Variants in FRAS1 observed in about 807,000 individuals in gnomAD.
FRAS1 encodes the protein extracellular matrix organizing protein FRAS1.
In FRAS1, 290 loss-of-function variants were observed where a neutral mutation model predicts 435.2. The observed-to-expected ratio is 0.67, with a 90% confidence interval of 0.61 to 0.73. The LOEUF (loss-of-function observed/expected upper bound fraction) is 0.73. Among genes scored for constraint, FRAS1 ranks in the 30% least tolerant of loss-of-function variants. The pLI is 0.00. For synonymous variants in FRAS1, 1,800 were observed against 1,851.0 expected (o/e 0.97, Z 0.71); for missense variants, 4,860 against 5,001.5 (o/e 0.97, Z 0.85).
At chr4:78,147,892 G>T (rs1720483075) in intron 2 of FRAS1, among the ~76,000 whole-genome samples, 1 of 152,182 alleles carries the variant, frequency 6.6e-6, no homozygotes, top group Admixed American at 6.5e-5. Context: ...CCTGATTATT[G>T]TGATGCTTTC....
chr4:78,136,524 T>C (rs2109990912), intron 2 of FRAS1, among the ~76,000 whole-genome samples: 1 of 152,290 alleles, frequency 6.6e-6, no homozygotes, highest in Non-Finnish European at 1.5e-5. Context: ...GGTATTGGGC[T>C]GAGACTGATA....
chr4:78,413,106 G>T (rs1285122846), intron 32 of FRAS1, 21 bp downstream of exon 32: 2 of 1,476,020 alleles, frequency 1.4e-6, no homozygotes, highest in Non-Finnish European at 9.4e-7. Context: ...TGGGAGGCTT[G>T]TGGTTTCCAC....
chr4:78,427,600 T>G (rs1201870781), intron 35 of FRAS1, among the ~76,000 whole-genome samples: 2 of 152,190 alleles, frequency 1.3e-5, no homozygotes, highest in Non-Finnish European at 2.9e-5. Flanking sequence ...TTAAGAACCA[T>G]CTGTGCCTAT....
intron 2 of FRAS1, among the ~76,000 whole-genome samples, chr4:78,137,503 TTAA>T (rs1408507751): frequency 6.6e-6 from 1 of 152,252 alleles, no homozygotes; most frequent in Non-Finnish European, 1.5e-5. Context: ...CTTAATTATG[TTAA>T]TAATATCATA....
chr4:78,085,886 G>C (rs1402323630), intron 2 of FRAS1, among the ~76,000 whole-genome samples: 1 of 152,070 alleles, frequency 6.6e-6, no homozygotes, highest in African/African-American at 2.4e-5. Flanking sequence ...AGTTAACAAG[G>C]ATATCCAGGA....
At chr4:78,338,101 A>ACTT (rs3086788) in intron 20 of FRAS1, 13,664 of 295,064 alleles carry the variant, frequency 0.046, 795 homozygotes, top group African/African-American at 0.18. Context: ...TGCATTCAAA[A>ACTT]CTTCTTAAGA....
intron 65 of FRAS1, among the ~76,000 whole-genome samples, chr4:78,515,582 T>A (rs1721181229): frequency 6.6e-6 from 1 of 152,052 alleles, no homozygotes; most frequent in African/African-American, 2.4e-5. Context: ...CTCTTAGAGG[T>A]GGAGTCCTCC....
chr4:78,346,862 G>A (rs1227062796), intron 20 of FRAS1, among the ~76,000 whole-genome samples: 1 of 152,104 alleles, frequency 6.6e-6, no homozygotes, highest in Non-Finnish European at 1.5e-5. Context: ...CCACTCAGGT[G>A]TTTCCTCTTC....
At chr4:78,381,663 T>C (rs965550093) in intron 27 of FRAS1, among the ~76,000 whole-genome samples, 3 of 152,204 alleles carry the variant, frequency 2.0e-5, no homozygotes, top group African/African-American at 4.8e-5. Context: ...TCACTTTTCT[T>C]GCAGTCACTT....
chr4:78,418,895 C>T, intron 32 of FRAS1, 54 bp from the exon 33 acceptor site: 2 of 1,103,942 alleles, frequency 1.8e-6, no homozygotes, highest in Admixed American at 2.2e-5. Context: ...GTTTTTGCCT[C>T]TGGCTTTTGT....
intron 32 of FRAS1, among the ~76,000 whole-genome samples, chr4:78,415,237 G>A (rs969859401): frequency 6.6e-6 from 1 of 152,054 alleles, no homozygotes; most frequent in Non-Finnish European, 1.5e-5. Flanking sequence ...AATAGGTGAG[G>A]GATAAAAGAC....
chr4:78,078,654 A>G (rs13120261), intron 2 of FRAS1, among the ~76,000 whole-genome samples: 74,702 of 151,858 alleles, frequency 0.49, 19,584 homozygotes, highest in Non-Finnish European at 0.59. Flanking sequence ...ATAATAATTA[A>G]GAACAAAAAA....
At chr4:78,436,288 G>A (rs894316144) in intron 38 of FRAS1, among the ~76,000 whole-genome samples, 7 of 152,146 alleles carry the variant, frequency 4.6e-5, no homozygotes, top group Non-Finnish European at 1.5e-5. Flanking sequence ...AGTGGTCAGG[G>A]AAAGCATATT....
At chr4:78,218,083 C>G (rs1006496263) in intron 2 of FRAS1, among the ~76,000 whole-genome samples, 1 of 15,148 alleles carries the variant, frequency 6.6e-5, no homozygotes, top group Non-Finnish European at 1.7e-4. Flanking sequence ...CCTTCTCTCT[C>G]TCTCTCACTC....
At chr4:78,429,052 GTGTGTGTGTGTCTC>G (rs771847389) in intron 35 of FRAS1, 29 bp from the exon 36 acceptor site, 2 of 1,538,212 alleles carry the variant, frequency 1.3e-6, no homozygotes, top group South Asian at 2.4e-5. Flanking sequence ...GTCTCTGTGT[GTGTGTGTGTGTCTC>G]TGTGTGTGTG....
chr4:78,261,686 C>G (rs756188499), intron 6 of FRAS1, among the ~76,000 whole-genome samples: 4 of 152,078 alleles, frequency 2.6e-5, no homozygotes, highest in Admixed American at 2.0e-4. Context: ...ATACACCTTG[C>G]AAATTTTTCC....
rs1731430136 is a variant in FRAS1 at position 78,369,927 on chromosome 4, C to G, written c.2812C>G (p.Gln938Glu). 1 of 1,613,712 alleles carries G rather than the reference C, an allele frequency of 6.2e-7. No individual in the cohort carries two copies. The highest frequency in any genetic ancestry group is 1.3e-5 in the African/African-American group (1 of 74,934). Residue 938 changes from glutamine (Q) to glutamate (E), a missense_variant, in exon 23 of 74, where the codon CAA (glutamine) becomes GAA (glutamate). Coordinates refer to ENST00000512123, the MANE Select transcript of FRAS1 (RefSeq NM_025074.7). ...PNKVLLFGEC[Q>E]YESCAPQYYL... The stretch of plus-strand genomic sequence containing the variant: ...CAAGGTTCTGCTCTTTGGGGAATGT[C>G]AATACGAGAGCTGCGCCCCACAGTA...
At chr4:78,490,511 C>T (rs1720315271) in intron 59 of FRAS1, among the ~76,000 whole-genome samples, 1 of 152,176 alleles carries the variant, frequency 6.6e-6, no homozygotes, top group African/African-American at 2.4e-5. Context: ...TCACTCAAAA[C>T]CACACAACTA....
rs372184784 is a variant in FRAS1 at position 78,267,331 on chromosome 4, C to A, written c.880C>A (p.Gln294Lys). ...SCSYDGVVRY[Q>K]DEMWKGSACE... is the part of the protein sequence containing the mutation. ...CTCCTATGATGGAGTTGTGCGGTAC[C>A]AGGACGAAATGTGGAAGGGCTCGGC... The change falls in exon 9 of 74, where the codon CAG becomes AAG. Residue 294 changes from glutamine (Q) to lysine (K), a missense_variant. Transcript: ENST00000512123. 6.2e-7 allele frequency: 1 copy of A among 1,613,824 alleles called. No homozygotes were observed. Among genetic ancestry groups the A allele is most frequent in the African/African-American group, 1.3e-5 (1 of 75,004 alleles).
Sources: allele counts gnomAD v4.1 joint callset (sites outside exome capture counted in the v4.1 genomes callset), GRCh38; gene constraint gnomAD v4.1.1; transcripts MANE v1.5; gene names NCBI Gene and HGNC (gene_info 2026-07-23, HGNC 2026-07-21).